The following IFFO2 variants were observed in gnomAD, a reference collection of about 807,000 sequenced individuals.
IFFO2 encodes the protein intermediate filament family orphan 2.
Under a neutral mutation model 53.5 loss-of-function variants are expected in IFFO2, and 19 were observed. The ratio of observed to expected loss-of-function variants is 0.36; its 90% CI spans 0.25 to 0.52. The LOEUF (loss-of-function observed/expected upper bound fraction) is 0.52, where lower values mean the gene tolerates loss of function less well. IFFO2 is among the 20% of genes least tolerant of loss of function. The probability of loss-of-function intolerance (pLI) is 0.94; values close to 1 mark genes in which losing one functional copy is unlikely to be tolerated. For missense variants in IFFO2, 570 were observed against 727.4 expected (o/e 0.78, Z 2.49); for synonymous variants, 303 against 313.6 (o/e 0.97, Z 0.36).
chr1:18,949,679 G>A (rs540620407), intron 1 of IFFO2, among the ~76,000 whole-genome samples: 3 of 152,368 alleles, frequency 2.0e-5, no homozygotes, highest in East Asian at 1.9e-4. Flanking sequence ...TTCAAATTCC[G>A]GGTCTACCCT....
At chr1:18,940,200 T>C (rs1936501994) in intron 1 of IFFO2, among the ~76,000 whole-genome samples, 1 of 152,038 alleles carries the variant, frequency 6.6e-6, no homozygotes, top group African/African-American at 2.4e-5. Context: ...CAAGAACCCA[T>C]GAAAACAGCA....
chr1:18,911,337 G>T lies in IFFO2; in HGVS notation c.1317+47C>A, dbSNP rs963133866. 9 of 950,618 alleles carry T rather than the reference G, an allele frequency of 9.5e-6. No homozygotes were observed. In the Admixed American group the frequency reaches 1.3e-4, roughly 14 times the overall value. The allele number at this position is 950,618 out of a possible 1,614,324, so 58.9% of individuals were successfully genotyped here. ...TGATCGCCAGGATCTCAACCATGTG[G>T]ACCTCAGGAGAGCCTCACGAGTGGG... On this transcript the variant is annotated intron_variant, in intron 7 of 8. Coordinates refer to ENST00000455833, the MANE Select transcript of IFFO2 (RefSeq NM_001136265.2).
chr1:18,911,445 T>G lies in IFFO2; in HGVS notation c.1256A>C (p.Glu419Ala). Residue 419 changes from glutamate (E) to alanine (A), a missense_variant, in exon 7 of 9, where the codon GAG (glutamate) becomes GCG (alanine). Coordinates refer to ENST00000455833, the MANE Select transcript of IFFO2 (RefSeq NM_001136265.2). ...TCTCGTCTTGAAGAAGGATTCGGTCTCATGGATCAAGTTGCCCAAGTTTTC... is the reference window on the plus strand; with the variant it reads ...TCTCGTCTTGAAGAAGGATTCGGTCGCATGGATCAAGTTGCCCAAGTTTTC... ...QEENLGNLIH[E>A]TESFFKTRDK... The G allele has an allele frequency of 6.6e-7, 1 of 1,515,384 alleles. No individual in the cohort carries two copies. Among genetic ancestry groups the G allele is most frequent in the East Asian group, 2.7e-5 (1 of 37,732 alleles). The allele number at this position is 1,515,384 out of a possible 1,614,324, so 93.9% of individuals were successfully genotyped here. A position where few individuals can be genotyped will look rare whatever the true frequency, so the allele number is the denominator to read the frequency against.
intron 1 of IFFO2, among the ~76,000 whole-genome samples, chr1:18,921,432 G>A (rs959069990): frequency 1.3e-5 from 2 of 152,266 alleles, no homozygotes; most frequent in Non-Finnish European, 2.9e-5. Context: ...ACTGTAAAGT[G>A]CTGTGCAAGC....
rs1385810267 is a variant in IFFO2, at chr1:18,956,056, C to G, written c.277G>C (p.Glu93Gln). ...AAGGTCTTGTAGCGCAGCCGCCGCTCGCGCTCGCTCTGCTGCTGCTCCAGC... is the reference window on the plus strand; with the variant it reads ...AAGGTCTTGTAGCGCAGCCGCCGCTGGCGCTCGCTCTGCTGCTGCTCCAGC... The part of the protein sequence containing the change: ...KQLEQQQSER[E>Q]RRLRYKTFSR... The change falls in exon 1 of 9, where the codon GAG becomes CAG. Residue 93 changes from glutamate to glutamine, a missense_variant. By Grantham distance (29) the Glu-to-Gln change is conservative (BLOSUM62 2). Coordinates refer to ENST00000455833, the MANE Select transcript of IFFO2 (RefSeq NM_001136265.2). The surrounding 1 kb of genome is among the most constrained non-coding windows in gnomAD (Gnocchi z 6.4). 6.8e-7 allele frequency: 1 copy of G among 1,478,552 alleles called. No homozygotes were observed. The highest frequency in any genetic ancestry group is 1.5e-5 in the African/African-American group (1 of 68,812). The allele number at this position is 1,478,552 out of a possible 1,614,324, so 91.6% of individuals were successfully genotyped here. A position where few individuals can be genotyped will look rare whatever the true frequency, so the allele number is the denominator to read the frequency against.
Position 18,908,382 on chromosome 1 carries a change from G to A in IFFO2, c.*179C>T, listed in dbSNP as rs371709533. 30 of 584,988 alleles carry A rather than the reference G, an allele frequency of 5.1e-5. No homozygotes were observed. Among genetic ancestry groups the A allele is most frequent in the Middle Eastern group, 4.7e-4 (1 of 2,148 alleles). The allele number at this position is 584,988 out of a possible 1,614,324, so 36.2% of individuals were successfully genotyped here. A position where few individuals can be genotyped will look rare whatever the true frequency, so the allele number is the denominator to read the frequency against. On this transcript the variant is annotated 3_prime_UTR_variant, in exon 9 of 9. Coordinates refer to ENST00000455833, the MANE Select transcript of IFFO2 (RefSeq NM_001136265.2). Reference sequence around the variant, plus strand: ...GGTGGGGGATGGAGACGGGGCACCCGTTGGTGGTGTGGAAGGAAGGAAGGA... The same window carrying A: ...GGTGGGGGATGGAGACGGGGCACCCATTGGTGGTGTGGAAGGAAGGAAGGA...
intron 1 of IFFO2, among the ~76,000 whole-genome samples, chr1:18,952,290 G>A (rs948227154): frequency 6.6e-6 from 1 of 152,174 alleles, no homozygotes; most frequent in East Asian, 1.9e-4. Context: ...TAAAGACCTG[G>A]TTGGGCCAAG....
chr1:18,944,272 C>A (rs1490279412), intron 1 of IFFO2, among the ~76,000 whole-genome samples: 1 of 152,162 alleles, frequency 6.6e-6, no homozygotes, highest in Non-Finnish European at 1.5e-5. Flanking sequence ...TGCCTGGAAG[C>A]AGGAGGATGG....
rs571071513 is a variant in IFFO2, at chr1:18,938,932, G to A, written c.665+16736C>T. Reference sequence around the variant, plus strand: ...GATGGCCTGGTTGGCCCCAGGGGCCGGGACACCAGCTGGGAGTCCAGCCCT... The same window carrying A: ...GATGGCCTGGTTGGCCCCAGGGGCCAGGACACCAGCTGGGAGTCCAGCCCT... On this transcript the variant is annotated intron_variant, in intron 1 of 8. Coordinates refer to ENST00000455833, the MANE Select transcript of IFFO2 (RefSeq NM_001136265.2). 1.8e-3 allele frequency among the ~76,000 whole-genome samples: 270 copies of A among 152,344 alleles called. 1 individual carries two copies. Among genetic ancestry groups the A allele is most frequent in the Non-Finnish European group, 2.7e-3 (186 of 68,018 alleles).
In IFFO2 at chr1:18,910,367, G is replaced by T. The variant is rs371658394; in HGVS notation, c.1423C>A (p.Arg475=). ...CTGTCTGCGGAGCCTTTGATGAGCC[G>T]GCGGCAGGTCTCCATCTGCACGTCC... ...GLDVQMETCR[R]LIKGSADRNS... Residue 475 remains arginine, a synonymous_variant, in exon 8 of 9, where the codon CGG becomes AGG. Transcript: ENST00000455833. The T allele has an allele frequency of 1.2e-4, 192 of 1,612,748 alleles. No homozygotes were observed. Among genetic ancestry groups the T allele is most frequent in the Admixed American group, 3.7e-4 (22 of 59,866 alleles).
intron 5 of IFFO2, among the ~76,000 whole-genome samples, chr1:18,915,239 C>T (rs1038114065): frequency 3.8e-4 from 58 of 152,212 alleles, no homozygotes; most frequent in Middle Eastern, 3.4e-3. Flanking sequence ...AATTCTGAGC[C>T]AGCCTCAGAG....
At chr1:18,932,172 C>G (rs1459421954) in intron 1 of IFFO2, among the ~76,000 whole-genome samples, 2 of 152,232 alleles carry the variant, frequency 1.3e-5, no homozygotes, top group African/African-American at 4.8e-5. Context: ...ATTTGGTCAT[C>G]ATAAAGATCC....
intron 1 of IFFO2, among the ~76,000 whole-genome samples, chr1:18,930,834 C>T (rs1936366831): frequency 6.6e-6 from 1 of 152,202 alleles, no homozygotes; most frequent in Non-Finnish European, 1.5e-5. Flanking sequence ...TATATTTGCC[C>T]AGGTTCCCAG....
In IFFO2 at chr1:18,919,822, G is replaced by T. The variant is rs1483601749; in HGVS notation, c.727-49C>A. The T allele has an allele frequency of 7.4e-7, 1 of 1,353,178 alleles. No homozygotes were observed. Among genetic ancestry groups the T allele is most frequent in the South Asian group, 1.2e-5 (1 of 80,066 alleles). The allele number at this position is 1,353,178 out of a possible 1,614,324, so 83.8% of individuals were successfully genotyped here. On this transcript the variant is annotated intron_variant, in intron 2 of 8. Coordinates refer to ENST00000455833, the MANE Select transcript of IFFO2 (RefSeq NM_001136265.2). The surrounding 1 kb of genome is among the most constrained non-coding windows in gnomAD (Gnocchi z 4.9). ...CTTCAGAGGGGCCGGGTCCTCTGGGGATAGGAGGGTCTGGACACCTGAGTC... is the reference window on the plus strand; with the variant it reads ...CTTCAGAGGGGCCGGGTCCTCTGGGTATAGGAGGGTCTGGACACCTGAGTC...
Position 18,919,255 on chromosome 1 carries a change from AC to A in IFFO2, c.822+422del, listed in dbSNP as rs1441777387. Among the ~76,000 whole-genome samples, 2 of 152,218 alleles carry A rather than the reference AC, an allele frequency of 1.3e-5. No individual in the cohort carries two copies. Among genetic ancestry groups the A allele is most frequent in the African/African-American group, 2.4e-5 (1 of 41,520 alleles). On this transcript the variant is annotated intron_variant, in intron 3 of 8. Transcript: ENST00000455833. The surrounding 1 kb of genome is among the most constrained non-coding windows in gnomAD (Gnocchi z 4.9). ...TGGCCTTTCCTGACCTCATGGAGCA[AC>A]CCTGCCAAAGGCCGCTGGGCCTGCG... is the stretch of plus-strand genomic sequence containing the variant.
intron 5 of IFFO2, among the ~76,000 whole-genome samples, chr1:18,915,362 G>GCCTCCCCA (rs56323750): frequency 0.057 from 6,633 of 117,208 alleles, 204 homozygotes; most frequent in South Asian, 0.13. Context: ...AGGTGGCAGA[G>GCCTCCCCA]CCTCCCAGAG....
chr1:18,941,844 G>T (rs1195352520), intron 1 of IFFO2, among the ~76,000 whole-genome samples: 1 of 152,190 alleles, frequency 6.6e-6, no homozygotes, highest in Non-Finnish European at 1.5e-5. Flanking sequence ...GGGAGGCGGG[G>T]ACAGGGAAAG....
At chr1:18,942,292 C>T (rs748188645) in intron 1 of IFFO2, among the ~76,000 whole-genome samples, 12 of 152,170 alleles carry the variant, frequency 7.9e-5, no homozygotes, top group Middle Eastern at 3.2e-3. Flanking sequence ...CCTTCATTCC[C>T]CCACAAAGAC....
At chr1:18,950,456 C>G (rs1347421656) in intron 1 of IFFO2, among the ~76,000 whole-genome samples, 2 of 152,182 alleles carry the variant, frequency 1.3e-5, no homozygotes, top group African/African-American at 4.8e-5. Flanking sequence ...GGGAGAGCAA[C>G]AAGATGATCC....
Sources: allele counts gnomAD v4.1 joint callset (sites outside exome capture counted in the v4.1 genomes callset), GRCh38; gene constraint gnomAD v4.1.1; non-coding constraint Gnocchi (gnomAD v3.1); transcripts MANE v1.5; gene names NCBI Gene and HGNC (gene_info 2026-07-23, HGNC 2026-07-21).